Variants in ATRN observed in about 807,000 individuals in gnomAD.
The protein encoded by ATRN is attractin, also known as attractin-2.
Under a neutral mutation model 178.7 loss-of-function variants are expected in ATRN, and 54 were observed. That is an observed-to-expected ratio of 0.30 (90% CI 0.24 to 0.38). The LOEUF (loss-of-function observed/expected upper bound fraction) is 0.38. ATRN is among the 10% of genes least tolerant of loss of function. The pLI, the probability that ATRN is intolerant of heterozygous loss-of-function variation, is 1.00. For synonymous variants in ATRN, 636 were observed against 663.0 expected (o/e 0.96, Z 0.63); for missense variants, 1,443 against 1,815.1 (o/e 0.79, Z 3.73).
chr20:3,594,102 G>A, intron 19 of ATRN, among the ~76,000 whole-genome samples: 1 of 152,128 alleles, frequency 6.6e-6, no homozygotes, highest in East Asian at 1.9e-4. Context: ...CCTCCCTAGG[G>A]GCAGCAGCTA....
chr20:3,624,003 C>T (rs1012427970), intron 24 of ATRN, among the ~76,000 whole-genome samples: 3 of 152,102 alleles, frequency 2.0e-5, no homozygotes, highest in South Asian at 2.1e-4. Flanking sequence ...GTTCTGATGA[C>T]GTAGTGTCAG....
intron 1 of ATRN, among the ~76,000 whole-genome samples, chr20:3,504,804 A>G (rs1162247082): frequency 6.6e-6 from 1 of 151,696 alleles, no homozygotes; most frequent in African/African-American, 2.4e-5. Context: ...ATATAAAACC[A>G]TCTAACACTG....
chr20:3,521,015 A>G (rs369972957), intron 1 of ATRN, among the ~76,000 whole-genome samples: 33 of 152,298 alleles, frequency 2.2e-4, no homozygotes, highest in African/African-American at 7.7e-4. Context: ...AAAATGAAAC[A>G]CCGCATGTTC....
chr20:3,488,361 A>AGT (rs1212383558), intron 1 of ATRN, among the ~76,000 whole-genome samples: 2 of 151,784 alleles, frequency 1.3e-5, no homozygotes, highest in Admixed American at 6.6e-5. Context: ...CTAGAGAAAG[A>AGT]GTGTGTGTGT....
chr20:3,532,907 C>A (rs574119896), intron 1 of ATRN, among the ~76,000 whole-genome samples: 13 of 152,246 alleles, frequency 8.5e-5, no homozygotes, highest in Admixed American at 1.3e-4. Context: ...GGACTACAGG[C>A]GCCCACCACC....
At chr20:3,504,295 C>T (rs115907836) in intron 1 of ATRN, among the ~76,000 whole-genome samples, 1,691 of 151,550 alleles carry the variant, frequency 0.011, 34 homozygotes, top group African/African-American at 0.039. Flanking sequence ...TTCTTTAAGC[C>T]GAAAGGAAAT....
intron 27 of ATRN, among the ~76,000 whole-genome samples, chr20:3,639,677 C>T (rs1175413869): frequency 1.3e-5 from 2 of 152,120 alleles, no homozygotes; most frequent in African/African-American, 4.8e-5. Flanking sequence ...GTAAGACTTT[C>T]TCCTTGGGCA....
At position 3,596,370 on chromosome 20, in the gene ATRN, C is replaced by T; in HGVS notation, c.3417-7C>T. 1.2e-6 allele frequency: 2 copies of T among 1,610,680 alleles called. No homozygotes were observed. Among genetic ancestry groups the T allele is most frequent in the Non-Finnish European group, 1.7e-6 (2 of 1,177,878 alleles). The stretch of plus-strand genomic sequence containing the variant: ...AGCAGTATAAAATAGTCTTTTTTCC[C>T]CCCCAGATGTGAGGTAGAAAATCGA... On this transcript the variant is annotated splice_polypyrimidine_tract_variant and splice_region_variant and intron_variant, in intron 20 of 28. Transcript: ENST00000262919.
intron 23 of ATRN, 37 bp downstream of exon 23, chr20:3,601,061 G>T: frequency 6.5e-7 from 1 of 1,542,626 alleles, no homozygotes; most frequent in Non-Finnish European, 8.9e-7. Flanking sequence ...GCAAATGAAG[G>T]TGTGGTAGAT....
At chr20:3,592,537 T>C (rs574755897) in intron 19 of ATRN, 5 of 942,196 alleles carry the variant, frequency 5.3e-6, no homozygotes, top group African/African-American at 1.8e-5. Flanking sequence ...TTTTTTATTC[T>C]AGTTTCCAGC....
intron 1 of ATRN, among the ~76,000 whole-genome samples, chr20:3,524,364 G>C (rs139934196): frequency 1.4e-3 from 211 of 152,146 alleles, no homozygotes; most frequent in African/African-American, 4.8e-3. Context: ...AGAAGAGCTA[G>C]CTATGCTAAA....
intron 24 of ATRN, among the ~76,000 whole-genome samples, chr20:3,611,036 C>T (rs80115444): frequency 0.038 from 5,785 of 152,028 alleles, 147 homozygotes; most frequent in Non-Finnish European, 0.056. Context: ...TAAGAATTAA[C>T]GCAATATTGA....
At chr20:3,644,347 G>T (rs2087091563) in intron 28 of ATRN, 79 bp downstream of exon 28, 2 of 1,243,812 alleles carry the variant, frequency 1.6e-6, no homozygotes, top group South Asian at 1.3e-5. Context: ...CTTTCCTAGA[G>T]AACAAGGTTA....
At chr20:3,630,968 A>G (rs1481537052) in intron 25 of ATRN, among the ~76,000 whole-genome samples, 27 of 58,304 alleles carry the variant, frequency 4.6e-4, no homozygotes, top group East Asian at 1.0e-3. Flanking sequence ...TTTTTTTGGG[A>G]TAGGGTCTCT....
chr20:3,644,208 C>T lies in ATRN; in HGVS notation c.4105C>T (p.Leu1369Phe). ...EPCFGNKAAV[L>F]SVFVRLPRGL... is the part of the protein sequence containing the mutation. ...GTGTTTTGGCAACAAAGCCGCTGTCCTCTCTGTGTTTGTGAGGCTCCCTCG... is the reference window on the plus strand; with the variant it reads ...GTGTTTTGGCAACAAAGCCGCTGTCTTCTCTGTGTTTGTGAGGCTCCCTCG... The change falls in exon 28 of 29, where the codon CTC (leucine) becomes TTC (phenylalanine). Residue 1369 changes from leucine to phenylalanine, a missense_variant. Transcript: ENST00000262919. The T allele has an allele frequency of 1.9e-6, 3 of 1,614,234 alleles. No individual in the cohort carries two copies. The highest frequency in any genetic ancestry group is 2.5e-6 in the Non-Finnish European group (3 of 1,180,038).
At chr20:3,633,771 G>T (rs1192633144) in intron 25 of ATRN, among the ~76,000 whole-genome samples, 1 of 152,156 alleles carries the variant, frequency 6.6e-6, no homozygotes. Context: ...TTTTAAGAAA[G>T]TTGTTGGCTT....
intron 26 of ATRN, among the ~76,000 whole-genome samples, chr20:3,635,667 C>T (rs1325183737): frequency 6.6e-6 from 1 of 152,060 alleles, no homozygotes; most frequent in Non-Finnish European, 1.5e-5. Flanking sequence ...CTCACAAGCA[C>T]TCAGCACTGT....
chr20:3,536,149 GTC>G (rs2085529520), intron 2 of ATRN, among the ~76,000 whole-genome samples: 1 of 151,736 alleles, frequency 6.6e-6, no homozygotes, highest in African/African-American at 2.4e-5. Context: ...GACTTTTTTG[GTC>G]TCAGGACCTC....
At chr20:3,574,767 G>A (rs180817218) in intron 12 of ATRN, among the ~76,000 whole-genome samples, 1 of 152,290 alleles carries the variant, frequency 6.6e-6, no homozygotes, top group Admixed American at 6.5e-5. Context: ...TGAGACTTCA[G>A]TTCCCTGTTT....
Sources: allele counts gnomAD v4.1 joint callset (sites outside exome capture counted in the v4.1 genomes callset), GRCh38; gene constraint gnomAD v4.1.1; transcripts MANE v1.5; gene names NCBI Gene and HGNC (gene_info 2026-07-23, HGNC 2026-07-21).